GOLGA6L9: variants seen among roughly 807,000 people sequenced by gnomAD.
The protein encoded by GOLGA6L9 is golgin A6 family like 9.
Under a neutral mutation model 51.3 loss-of-function variants are expected in GOLGA6L9, and 19 were observed. The ratio of observed to expected loss-of-function variants is 0.37; its 90% CI spans 0.26 to 0.54. GOLGA6L9 has a LOEUF of 0.54. Among genes scored for constraint, GOLGA6L9 ranks in the 20% least tolerant of loss-of-function variants. The pLI is 0.83. For missense variants in GOLGA6L9, 247 were observed against 464.1 expected (o/e 0.53, Z 4.30); for synonymous variants, 97 against 184.2 (o/e 0.53, Z 3.83).
At chr15:82,417,645 A>C in the GOLGA6L9 span, among the ~76,000 whole-genome samples, 1 of 152,238 alleles carries the variant, frequency 6.6e-6, no homozygotes, top group Non-Finnish European at 1.5e-5. Context: ...GGTACTTTAA[A>C]GGAAAGGTGG....
intron 2 of GOLGA6L9, 37 bp from the exon 3 acceptor site, chr15:82,432,535 G>A: frequency 7.5e-6 from 12 of 1,597,058 alleles, no homozygotes; most frequent in Non-Finnish European, 6.8e-6. Context: ...AGTGAGGGGG[G>A]ACAGAACATC....
At chr15:82,429,430 C>CT (rs2031319694), upstream of GOLGA6L9, among the ~76,000 whole-genome samples, 1 of 150,254 alleles carries the variant, frequency 6.7e-6, no homozygotes, top group African/African-American at 2.5e-5. Context: ...TAAAAGAAAT[C>CT]TTAACAATAA....
At chr15:82,416,111 G>A in the GOLGA6L9 span, 1 of 152,252 alleles carries the variant, frequency 6.6e-6, no homozygotes, top group African/African-American at 2.4e-5. Flanking sequence ...AATGTGAGTG[G>A]GGTTTGGTCA....
rs1402095915 is a variant in GOLGA6L9, at chr15:82,439,105, T to G, written c.*2694T>G. The G allele has an allele frequency of 6.6e-6, 1 of 151,956 alleles. No homozygotes were observed. Among genetic ancestry groups the G allele is most frequent in the Non-Finnish European group, 1.5e-5 (1 of 68,014 alleles). The allele number at this position is 151,956 out of a possible 1,614,324, so 9.4% of individuals were successfully genotyped here. ...ATTGACTGCTGCTGTGATGCTACTA[T>G]AATGTAATACATTATTAAATTGTTT... On this transcript the variant is annotated 3_prime_UTR_variant, in exon 9 of 9. Coordinates refer to ENST00000618348, the MANE Select transcript of GOLGA6L9 (RefSeq NM_198181.4).
chr15:82,418,994 A>G, the GOLGA6L9 span, among the ~76,000 whole-genome samples: 1 of 152,240 alleles, frequency 6.6e-6, no homozygotes, highest in Admixed American at 6.5e-5. Flanking sequence ...CATTTCAAAC[A>G]ATTGACTGGA....
chr15:82,429,127 T>G (rs2031303040), upstream of GOLGA6L9, among the ~76,000 whole-genome samples: 1 of 151,616 alleles, frequency 6.6e-6, no homozygotes, highest in Non-Finnish European at 1.5e-5. Context: ...CAGGCTGGAG[T>G]GCAGTGGCAT....
chr15:82,416,336 G>T, the GOLGA6L9 span, among the ~76,000 whole-genome samples: 1 of 152,000 alleles, frequency 6.6e-6, no homozygotes, highest in African/African-American at 2.4e-5. Flanking sequence ...TTTTTTTCAG[G>T]TAAGTAAACT....
At chr15:82,418,163 T>G in the GOLGA6L9 span, among the ~76,000 whole-genome samples, 1 of 152,138 alleles carries the variant, frequency 6.6e-6, no homozygotes, top group Non-Finnish European at 1.5e-5. Context: ...ATGAAAACAA[T>G]TATTAAGGTG....
the GOLGA6L9 span, among the ~76,000 whole-genome samples, chr15:82,416,260 G>A: frequency 6.6e-6 from 1 of 152,172 alleles, no homozygotes; most frequent in Admixed American, 6.5e-5. Context: ...ATGTAGAAGA[G>A]TTGTAGGAAA....
chr15:82,432,599 C>G lies in GOLGA6L9; in HGVS notation c.232C>G (p.Arg78Gly). The G allele has an allele frequency of 6.2e-7, 1 of 1,604,172 alleles. No homozygotes were observed. Among genetic ancestry groups the G allele is most frequent in the Non-Finnish European group, 8.5e-7 (1 of 1,179,680 alleles). Residue 78 changes from arginine (R) to glycine (G), a missense_variant, in exon 3 of 9, where the codon CGT becomes GGT. Transcript: ENST00000618348. The part of the protein sequence containing the change: ...DSATGIYGEG[R>G]ASSTTLQDLE... ...AGCAACAGGTATCTACGGGGAGGGC[C>G]GTGCATCCTCTACTACCCTGCAGGA...
intron 2 of GOLGA6L9, 117 bp from the exon 3 acceptor site, chr15:82,432,455 G>A (rs1433860105): frequency 5.0e-6 from 7 of 1,386,492 alleles, no homozygotes; most frequent in Admixed American, 5.1e-5. Context: ...TGGGAAAAAG[G>A]TTCCAAGATA....
intron 3 of GOLGA6L9, 54 bp downstream of exon 3, chr15:82,432,685 C>T (rs2031459120): frequency 6.3e-7 from 1 of 1,587,606 alleles, no homozygotes; most frequent in Non-Finnish European, 8.6e-7. Context: ...CCTCCAACCT[C>T]CTCCCACAGC....
In GOLGA6L9 at chr15:82,437,809, A is replaced by G. The variant is rs2031756340; in HGVS notation, c.*1398A>G. 1 of 151,216 alleles carries G rather than the reference A, an allele frequency of 6.6e-6. No homozygotes were observed. The highest frequency in any genetic ancestry group is 1.5e-5 in the Non-Finnish European group (1 of 67,840). 9.4% of individuals were successfully genotyped at this position (151,216 alleles called of 1,614,324 possible). On this transcript the variant is annotated 3_prime_UTR_variant, in exon 9 of 9. Transcript: ENST00000618348. ...GTAAAACGTTTACAAACTGCAGCAC[A>G]ATCTACTGTTCGTGAATGTCAAAGT...
the GOLGA6L9 span, chr15:82,418,822 ACTC>A: frequency 6.6e-6 from 1 of 151,960 alleles, no homozygotes; most frequent in African/African-American, 2.4e-5. Context: ...CAGAGGAAAA[ACTC>A]CTGGCCATCA....
At position 82,434,413 on chromosome 15, in the gene GOLGA6L9, G is replaced by A. The variant is rs1340088362; in HGVS notation, c.813G>A (p.Arg271=). Residue 271 remains arginine (R), a synonymous_variant, in exon 6 of 9, where the codon AGG becomes AGA. Transcript: ENST00000618348. The part of the protein sequence containing the change: ...RQEEQERLLE[R]ERLLDEVEEL... ...AGGAGCAGGAGAGGCTGCTGGAGAG[G>A]GAGAGGCTGCTGGACGAGGTGGAGG... 1.9e-6 allele frequency: 3 copies of A among 1,541,560 alleles called. No homozygotes were observed. Among genetic ancestry groups the A allele is most frequent in the African/African-American group, 1.4e-5 (1 of 73,436 alleles).
At chr15:82,419,469 A>T in the GOLGA6L9 span, 4 of 153,050 alleles carry the variant, frequency 2.6e-5, no homozygotes, top group African/African-American at 9.6e-5. Context: ...TAACACGGTG[A>T]AACCCCGTCT....
At position 82,432,582 on chromosome 15, in the gene GOLGA6L9, G is replaced by C. The variant is rs1158303193; in HGVS notation, c.215G>C (p.Gly72Ala). The change falls in exon 3 of 9, where the codon GGT becomes GCT. Residue 72 changes from glycine (G) to alanine (A), a missense_variant. This residue lies in a region of GOLGA6L9 where 74 missense variants were observed against 91.2 expected (regional missense o/e 0.81). Transcript: ENST00000618348. ...TCTCATCTCTTGGAGTCAGCAACAG[G>C]TATCTACGGGGAGGGCCGTGCATCC... ...GYHSPGDSATGIYGEGRASST... is the reference protein window; with the variant it reads ...GYHSPGDSATAIYGEGRASST... The C allele has an allele frequency of 1.9e-6, 3 of 1,603,470 alleles. No homozygotes were observed. Among genetic ancestry groups the C allele is most frequent in the Admixed American group, 3.3e-5 (2 of 59,928 alleles).
the GOLGA6L9 span, chr15:82,416,026 A>T: frequency 6.6e-6 from 1 of 152,222 alleles, no homozygotes; most frequent in Non-Finnish European, 1.5e-5. Context: ...CTAAGCATGG[A>T]CTTAATTTCT....
chr15:82,417,516 A>G, the GOLGA6L9 span, among the ~76,000 whole-genome samples: 1 of 152,216 alleles, frequency 6.6e-6, no homozygotes, highest in African/African-American at 2.4e-5. Context: ...TTCTGTTTAG[A>G]TTTCAACAAA....
Sources: allele counts gnomAD v4.1 joint callset (sites outside exome capture counted in the v4.1 genomes callset), GRCh38; gene constraint gnomAD v4.1.1; regional missense constraint gnomAD v4.1.1; transcripts MANE v1.5; gene names NCBI Gene and HGNC (gene_info 2026-07-23, HGNC 2026-07-21).